Variants in LRRC37A2 observed in about 807,000 individuals in gnomAD.
LRRC37A2 encodes leucine-rich repeat-containing protein 37A2.
Under a neutral mutation model 68.8 loss-of-function variants are expected in LRRC37A2, and 9 were observed. That is an observed-to-expected ratio of 0.13 (90% CI 0.08 to 0.23). The LOEUF is 0.23. LRRC37A2 is among the 10% of genes least tolerant of loss of function. The pLI, the probability that LRRC37A2 is intolerant of heterozygous loss-of-function variation, is 1.00. For missense variants in LRRC37A2, 168 were observed against 950.4 expected, an observed-to-expected ratio of 0.18 and a Z score of 10.82; for synonymous variants, 63 against 367.6, an observed-to-expected ratio of 0.17 and a Z score of 9.48.
the LRRC37A2 span, chr17:46,755,950 C>A: frequency 2.3e-6 from 2 of 862,042 alleles, no homozygotes; most frequent in South Asian, 1.6e-5. Flanking sequence ...CATGTGCTCG[C>A]TCTGCATGAT....
At chr17:47,027,872 C>T in the LRRC37A2 span, among the ~76,000 whole-genome samples, 5 of 152,148 alleles carry the variant, frequency 3.3e-5, no homozygotes, top group Non-Finnish European at 4.4e-5. Flanking sequence ...CTGGTAATGT[C>T]CGGAGACAGT....
the LRRC37A2 span, among the ~76,000 whole-genome samples, chr17:46,780,358 G>A: frequency 1.3e-5 from 2 of 152,128 alleles, no homozygotes; most frequent in African/African-American, 4.8e-5. Flanking sequence ...CCTCCCAAAT[G>A]GAATCACACA....
the LRRC37A2 span, among the ~76,000 whole-genome samples, chr17:46,960,731 A>G: frequency 6.6e-6 from 1 of 152,236 alleles, no homozygotes; most frequent in Admixed American, 6.5e-5. Flanking sequence ...ATGCATTAAG[A>G]TAAGTGTGAG....
the LRRC37A2 span, among the ~76,000 whole-genome samples, chr17:46,699,402 G>GACACACACACACACAC: frequency 3.4e-5 from 5 of 148,212 alleles, no homozygotes; most frequent in African/African-American, 9.9e-5. Flanking sequence ...ATAAACTGAG[G>GACACACACACACACAC]ACACACACAC....
chr17:46,888,280 T>G, the LRRC37A2 span, among the ~76,000 whole-genome samples: 2 of 152,064 alleles, frequency 1.3e-5, no homozygotes, highest in African/African-American at 4.8e-5. Flanking sequence ...CAGGTGTCAA[T>G]GGAAGTTTAT....
chr17:46,979,452 C>T, the LRRC37A2 span, among the ~76,000 whole-genome samples: 1 of 152,336 alleles, frequency 6.6e-6, no homozygotes, highest in Admixed American at 6.5e-5. Context: ...AACTCCACCC[C>T]CTCCTGGCAC....
the LRRC37A2 span, among the ~76,000 whole-genome samples, chr17:46,951,840 C>G: frequency 6.6e-6 from 1 of 152,164 alleles, no homozygotes; most frequent in Non-Finnish European, 1.5e-5. Flanking sequence ...CGCCTTTCAG[C>G]CTTGCAAGAA....
At chr17:46,746,225 T>C in the LRRC37A2 span, among the ~76,000 whole-genome samples, 1 of 152,250 alleles carries the variant, frequency 6.6e-6, no homozygotes, top group Non-Finnish European at 1.5e-5. Flanking sequence ...TAATAATGAT[T>C]ACCCTTTAAT....
the LRRC37A2 span, chr17:46,923,343 G>A: frequency 4.6e-6 from 7 of 1,523,930 alleles, no homozygotes; most frequent in African/African-American, 1.4e-5. Context: ...CCAGGGCACT[G>A]CTGGGGATGC....
chr17:46,763,944 A>G, the LRRC37A2 span: 1 of 152,196 alleles, frequency 6.6e-6, no homozygotes, highest in African/African-American at 2.4e-5. Flanking sequence ...ACAGGGTTAT[A>G]GAGAAAATGA....
chr17:46,855,719 G>T, the LRRC37A2 span, among the ~76,000 whole-genome samples: 1 of 152,228 alleles, frequency 6.6e-6, no homozygotes, highest in Non-Finnish European at 1.5e-5. Flanking sequence ...TTTATTTAGA[G>T]ACGGAGTCTC....
chr17:46,755,218 ATG>A, the LRRC37A2 span: 1 of 859,922 alleles, frequency 1.2e-6, no homozygotes, highest in Admixed American at 1.8e-5. Flanking sequence ...CAGAGCATTG[ATG>A]AAGTGTGAAA....
chr17:46,493,326 G>GTTTT, the LRRC37A2 span, among the ~76,000 whole-genome samples: 5 of 100,460 alleles, frequency 5.0e-5, no homozygotes, highest in South Asian at 3.7e-4. Context: ...CACCTGGCTA[G>GTTTT]TTTTTTTTTT....
At chr17:46,863,271 TG>T in the LRRC37A2 span, among the ~76,000 whole-genome samples, 1 of 152,180 alleles carries the variant, frequency 6.6e-6, no homozygotes, top group Non-Finnish European at 1.5e-5. Context: ...GCAGGGAGGC[TG>T]AGGGACAGCC....
At chr17:46,712,760 G>A in the LRRC37A2 span, among the ~76,000 whole-genome samples, 31 of 152,102 alleles carry the variant, frequency 2.0e-4, 2 homozygotes, top group Admixed American at 1.8e-3. Context: ...ATGTTAACAC[G>A]TAAGGACTAA....
At chr17:46,865,330 G>A in the LRRC37A2 span, among the ~76,000 whole-genome samples, 539 of 152,324 alleles carry the variant, frequency 3.5e-3, 1 homozygote, top group African/African-American at 0.013. Flanking sequence ...CCTGGTCTGC[G>A]GCTGTGAGAC....
chr17:46,907,169 G>T, the LRRC37A2 span, among the ~76,000 whole-genome samples: 1 of 152,194 alleles, frequency 6.6e-6, no homozygotes, highest in African/African-American at 2.4e-5. Context: ...AGCCTGCCGA[G>T]GTCAACAGAC....
the LRRC37A2 span, among the ~76,000 whole-genome samples, chr17:47,041,320 A>T: frequency 0.023 from 120 of 5,214 alleles, no homozygotes; most frequent in Non-Finnish European, 0.027. Flanking sequence ...TCTTGAATAA[A>T]TGCTCCTCGG....
the LRRC37A2 span, among the ~76,000 whole-genome samples, chr17:46,893,148 G>A: frequency 6.6e-6 from 1 of 152,104 alleles, no homozygotes; most frequent in East Asian, 1.9e-4. Context: ...TGGCGGGACT[G>A]GTCTCAAACT....
Sources: allele counts gnomAD v4.1 joint callset (sites outside exome capture counted in the v4.1 genomes callset), GRCh38; gene constraint gnomAD v4.1.1; transcripts MANE v1.5; gene names NCBI Gene and HGNC (gene_info 2026-07-23, HGNC 2026-07-21).